MGST1: variants seen among roughly 807,000 people sequenced by gnomAD.
MGST1 encodes glutathione S-transferase 12.
Under a neutral mutation model 8.9 loss-of-function variants are expected in MGST1, and 5 were observed. The ratio of observed to expected loss-of-function variants is 0.56; its 90% CI spans 0.29 to 1.19. The LOEUF is 1.19. Ranked by LOEUF, MGST1 falls within the 50% of genes most tolerant of loss-of-function variation. The pLI is 0.08. For missense variants in MGST1, 182 were observed against 187.4 expected (o/e 0.97, Z 0.17); for synonymous variants, 54 against 67.8 (o/e 0.80, Z 1.00).
intron 4 of MGST1, among the ~76,000 whole-genome samples, chr12:16,484,535 C>T (rs1469550806): frequency 6.6e-6 from 1 of 152,162 alleles, no homozygotes; most frequent in African/African-American, 2.4e-5. Flanking sequence ...CACAGTTCCA[C>T]AGGCTATACA....
At chr12:16,512,233 T>G (rs1260368920) in intron 4 of MGST1, among the ~76,000 whole-genome samples, 1 of 151,752 alleles carries the variant, frequency 6.6e-6, no homozygotes, top group Admixed American at 6.6e-5. Flanking sequence ...GATGTGGGTA[T>G]GGATGGTGGG....
chr12:16,377,377 A>ATGAG (rs1211503712), downstream of MGST1, among the ~76,000 whole-genome samples: 2 of 138,572 alleles, frequency 1.4e-5, no homozygotes, highest in East Asian at 4.4e-4. Flanking sequence ...ATTCCCACCT[A>ATGAG]TGAGTGAGAA....
downstream of MGST1, among the ~76,000 whole-genome samples, chr12:16,381,428 G>A (rs1940453267): frequency 6.6e-6 from 1 of 152,092 alleles, no homozygotes; most frequent in South Asian, 2.1e-4. Context: ...TGAAATTCTG[G>A]GTTGAAAATT....
At chr12:16,523,199 T>C (rs539246014) in intron 4 of MGST1, among the ~76,000 whole-genome samples, 7 of 152,128 alleles carry the variant, frequency 4.6e-5, no homozygotes, top group Non-Finnish European at 1.0e-4. Context: ...ACTTACGGGT[T>C]TGATTGAATA....
downstream of MGST1, among the ~76,000 whole-genome samples, chr12:16,379,390 C>T (rs1385762759): frequency 6.6e-6 from 1 of 152,212 alleles, no homozygotes; most frequent in Non-Finnish European, 1.5e-5. Context: ...GCCTTTTCTA[C>T]ATCTATTGAG....
At position 16,517,342 on chromosome 12, in the gene MGST1, T is replaced by C. The variant is rs1260179700; in HGVS notation, n.483-72186T>C. Among the ~76,000 whole-genome samples, 1 of 152,180 alleles carries C rather than the reference T, an allele frequency of 6.6e-6. No individual in the cohort carries two copies. Among genetic ancestry groups the C allele is most frequent in the African/African-American group, 2.4e-5 (1 of 41,446 alleles). Reference sequence around the variant, plus strand: ...GTCATAAGTTCTCTCCCCTTATGAATAGAATAATGTTGTTATCACAGGAGT... The same window carrying C: ...GTCATAAGTTCTCTCCCCTTATGAACAGAATAATGTTGTTATCACAGGAGT... On this transcript the variant is annotated intron_variant and non_coding_transcript_variant, in intron 4 of 4. Coordinates refer to the MGST1 transcript ENST00000538857. This position sits in a 1 kb window ranked among gnomAD's most constrained non-coding sequence, Gnocchi z 4.2.
chr12:16,399,715 T>TGA (rs2137061355), intron 1 of MGST1: 1 of 1,239,800 alleles, frequency 8.1e-7, no homozygotes, highest in South Asian at 1.2e-5. Context: ...ATGGTCTTTA[T>TGA]TGCTTTAGTC....
chr12:16,347,440 G>C (rs1939252037), upstream of MGST1, among the ~76,000 whole-genome samples: 1 of 152,140 alleles, frequency 6.6e-6, no homozygotes, highest in African/African-American at 2.4e-5. This position sits in a 1 kb window ranked among gnomAD's most constrained non-coding sequence, Gnocchi z 4.0. Flanking sequence ...TAGGGGAGTT[G>C]GCATTTCAGG....
At chr12:16,407,714 C>G (rs189563843) in intron 1 of MGST1, among the ~76,000 whole-genome samples, 1 of 152,174 alleles carries the variant, frequency 6.6e-6, no homozygotes, top group East Asian at 1.9e-4. Context: ...TACACATACA[C>G]CATGGAATAC....
At chr12:16,485,978 C>T (rs747033602) in intron 4 of MGST1, among the ~76,000 whole-genome samples, 9 of 152,172 alleles carry the variant, frequency 5.9e-5, no homozygotes, top group African/African-American at 1.4e-4. Flanking sequence ...TAAGGGGCTT[C>T]GATGACCTTT....
intron 4 of MGST1, among the ~76,000 whole-genome samples, chr12:16,506,033 A>G (rs1941536098): frequency 6.6e-6 from 1 of 152,246 alleles, no homozygotes; most frequent in South Asian, 2.1e-4. Context: ...ATTTTAAATG[A>G]TTAGCTCCAA....
chr12:16,432,002 T>C (rs1410169345), intron 1 of MGST1, among the ~76,000 whole-genome samples: 2 of 152,212 alleles, frequency 1.3e-5, no homozygotes, highest in Non-Finnish European at 2.9e-5. Flanking sequence ...GAGAAATTCA[T>C]TTTGATGATT....
chr12:16,412,494 T>C (rs1940750253), intron 1 of MGST1, among the ~76,000 whole-genome samples: 1 of 152,190 alleles, frequency 6.6e-6, no homozygotes, highest in Non-Finnish European at 1.5e-5. Context: ...TATTTCAACT[T>C]TGACATCCAA....
chr12:16,436,244 T>C (rs2137098406), intron 1 of MGST1, among the ~76,000 whole-genome samples: 1 of 152,070 alleles, frequency 6.6e-6, no homozygotes, highest in East Asian at 1.9e-4. Context: ...GTTTACAATA[T>C]AAAAAGCACT....
In MGST1 at chr12:16,559,052, C is replaced by T. The variant is rs983430436; in HGVS notation, n.483-30476C>T. 1.7e-4 allele frequency among the ~76,000 whole-genome samples: 26 copies of T among 152,094 alleles called. No individual in the cohort carries two copies. The highest frequency in any genetic ancestry group is 5.8e-4 in the African/African-American group (24 of 41,420). On this transcript the variant is annotated intron_variant and non_coding_transcript_variant, in intron 4 of 4. Transcript: ENST00000538857. The surrounding 1 kb of genome is among the most constrained non-coding windows in gnomAD (Gnocchi z 4.1). ...GAAATGTCACATTCTTTCTACTATT[C>T]TACAGGGTCTCATAAGAAGATTCTG... is the stretch of plus-strand genomic sequence containing the variant.
intron 4 of MGST1, among the ~76,000 whole-genome samples, chr12:16,445,957 C>T (rs1319104573): frequency 6.6e-6 from 1 of 151,922 alleles, no homozygotes; most frequent in African/African-American, 2.4e-5. Context: ...ATAACTTTTA[C>T]CTCCACAGGC....
At chr12:16,489,517 T>G (rs1231330916) in intron 4 of MGST1, among the ~76,000 whole-genome samples, 5 of 152,198 alleles carry the variant, frequency 3.3e-5, no homozygotes, top group African/African-American at 1.2e-4. Flanking sequence ...TTCATCACTG[T>G]TTTGGATTTC....
intron 4 of MGST1, among the ~76,000 whole-genome samples, chr12:16,508,743 T>G (rs1223204007): frequency 6.6e-6 from 1 of 152,184 alleles, no homozygotes. Flanking sequence ...GAATGTATGC[T>G]TAATGTAGTG....
At chr12:16,528,835 T>C (rs1161809794) in intron 4 of MGST1, among the ~76,000 whole-genome samples, 1 of 152,070 alleles carries the variant, frequency 6.6e-6, no homozygotes, top group African/African-American at 2.4e-5. Context: ...GGATTGGGGA[T>C]GCAGTGAGCC....
Sources: allele counts gnomAD v4.1 joint callset (sites outside exome capture counted in the v4.1 genomes callset), GRCh38; gene constraint gnomAD v4.1.1; non-coding constraint Gnocchi (gnomAD v3.1); transcripts MANE v1.5; gene names NCBI Gene and HGNC (gene_info 2026-07-23, HGNC 2026-07-21).